The following SIRPG variants were observed in gnomAD, a reference collection of about 807,000 sequenced individuals.
SIRPG encodes signal-regulatory protein gamma.
SIRPG carries 38 observed loss-of-function variants against 35.7 expected under a neutral mutation model. That is an observed-to-expected ratio of 1.06 (90% confidence interval 0.82 to 1.40). The LOEUF (loss-of-function observed/expected upper bound fraction) is 1.40, where lower values mean the gene tolerates loss of function less well. Ranked by LOEUF, SIRPG falls within the 40% of genes most tolerant of loss-of-function variation. The pLI is 0.00. For synonymous variants in SIRPG, 215 were observed against 190.4 expected (o/e 1.13, Z -1.06); for missense variants, 519 against 483.0 (o/e 1.07, Z -0.70).
the SIRPG span, chr20:1,676,745 C>T: frequency 9.4e-5 from 19 of 201,224 alleles, no homozygotes; most frequent in Admixed American, 1.8e-4. Flanking sequence ...TAGATTAATT[C>T]GTGGCCTGGT....
the SIRPG span, chr20:1,666,635 A>C: frequency 2.0e-5 from 3 of 152,228 alleles, no homozygotes; most frequent in African/African-American, 7.2e-5. Flanking sequence ...GTGAGACCCC[A>C]GCTCTTTAAG....
the SIRPG span, among the ~76,000 whole-genome samples, chr20:1,683,337 G>A: frequency 2.0e-5 from 3 of 152,154 alleles, no homozygotes; most frequent in Non-Finnish European, 2.9e-5. Flanking sequence ...AAACAGTATG[G>A]AGTTTCCTCC....
At chr20:1,661,311 G>C (rs1295260346), upstream of SIRPG, among the ~76,000 whole-genome samples, 1 of 152,162 alleles carries the variant, frequency 6.6e-6, no homozygotes. Context: ...CATGCTATAG[G>C]CATGACGTCT....
the SIRPG span, among the ~76,000 whole-genome samples, chr20:1,667,400 G>A: frequency 1.3e-5 from 2 of 152,208 alleles, no homozygotes; most frequent in Non-Finnish European, 2.9e-5. Context: ...CTTGTTGATA[G>A]CTGTTGTGAG....
At position 1,630,312 on chromosome 20, in the gene SIRPG, A is replaced by G. The variant is rs753088884; in HGVS notation, c.1082-6T>C. On this transcript the variant is annotated splice_polypyrimidine_tract_variant and splice_region_variant and intron_variant, in intron 4 of 5. Transcript: ENST00000303415. ...AGTAAGGGATGATGCCGGGCCTGGA[A>G]ATCAGGGAAGACGAGGGGCTATGAG... 1.1e-5 allele frequency: 17 copies of G among 1,555,582 alleles called. No individual in the cohort carries two copies. The highest frequency in any genetic ancestry group is 1.5e-5 in the Non-Finnish European group (17 of 1,149,050).
the SIRPG span, among the ~76,000 whole-genome samples, chr20:1,681,542 A>G: frequency 6.6e-6 from 1 of 152,164 alleles, no homozygotes; most frequent in African/African-American, 2.4e-5. Flanking sequence ...TTCAAAAATT[A>G]TAAAGTTGGC....
At chr20:1,686,430 G>T in the SIRPG span, among the ~76,000 whole-genome samples, 1 of 152,160 alleles carries the variant, frequency 6.6e-6, no homozygotes, top group Non-Finnish European at 1.5e-5. Context: ...AGCCTGCTCC[G>T]TCCAAATATC....
At chr20:1,635,987 G>A (rs889082318) in intron 3 of SIRPG, among the ~76,000 whole-genome samples, 4 of 152,206 alleles carry the variant, frequency 2.6e-5, no homozygotes, top group Admixed American at 2.6e-4. Context: ...CTAGCGCAGA[G>A]CTTGGCACGT....
At chr20:1,683,137 A>T in the SIRPG span, among the ~76,000 whole-genome samples, 8 of 152,250 alleles carry the variant, frequency 5.3e-5, no homozygotes, top group Non-Finnish European at 4.4e-5. Flanking sequence ...GCCAGCAGGC[A>T]TATAAAAAAT....
the SIRPG span, chr20:1,670,957 A>T: frequency 2.9e-6 from 1 of 344,310 alleles, no homozygotes; most frequent in Non-Finnish European, 5.9e-6. Flanking sequence ...CTCGCAGATG[A>T]CCTGAAGGCA....
intron 2 of SIRPG, chr20:1,637,402 A>G (rs2091812304): frequency 5.9e-6 from 1 of 170,542 alleles, no homozygotes. Context: ...TTAAGTAACC[A>G]ATTCATACGA....
chr20:1,674,517 C>T, the SIRPG span, among the ~76,000 whole-genome samples: 4 of 152,192 alleles, frequency 2.6e-5, no homozygotes, highest in East Asian at 3.9e-4. Flanking sequence ...TGTCCCAGGT[C>T]ACAGAGCCAG....
the SIRPG span, among the ~76,000 whole-genome samples, chr20:1,685,375 T>TG: frequency 1.2e-4 from 18 of 151,798 alleles, no homozygotes; most frequent in African/African-American, 2.2e-4. Flanking sequence ...ATGAGGTCAT[T>TG]GGGGGGGTCT....
At chr20:1,658,357 T>C (rs2091986433), upstream of SIRPG, among the ~76,000 whole-genome samples, 1 of 152,162 alleles carries the variant, frequency 6.6e-6, no homozygotes, top group African/African-American at 2.4e-5. Flanking sequence ...GGAGAGAAAC[T>C]GGGTTTGAGG....
At chr20:1,648,940 C>T (rs1170180764) in intron 2 of SIRPG, 112 bp downstream of exon 2, 9 of 1,018,808 alleles carry the variant, frequency 8.8e-6, no homozygotes, top group Admixed American at 8.0e-5. Flanking sequence ...GACAACAGGT[C>T]TTGAAAATGA....
the SIRPG span, chr20:1,676,860 C>T: frequency 6.1e-6 from 1 of 163,172 alleles, no homozygotes. Flanking sequence ...ACTTCTCAGG[C>T]TGAATCACCT....
chr20:1,633,828 C>T (rs1263542876), intron 4 of SIRPG: 1 of 152,260 alleles, frequency 6.6e-6, no homozygotes, highest in African/African-American at 2.4e-5. Context: ...GAGTGGAACA[C>T]AGGCCAACTT....
chr20:1,657,708 C>T lies in SIRPG; in HGVS notation c.7G>A (p.Val3Ile). ...GGAGGATGGGGCCAGGAGGCTGGGA[C>T]AGGCATTTTGGAGACCTCAGAAGCC... MP[V>I]PASWPHPPGP... Residue 3 changes from valine (V) to isoleucine (I), a missense_variant, in exon 1 of 6, where the codon GTC becomes ATC. By Grantham distance (29) the Val-to-Ile change is conservative. Transcript: ENST00000303415. 6.2e-7 allele frequency: 1 copy of T among 1,614,134 alleles called. No homozygotes were observed. Among genetic ancestry groups the T allele is most frequent in the Non-Finnish European group, 8.5e-7 (1 of 1,180,002 alleles).
chr20:1,640,850 G>A (rs1033531650), intron 2 of SIRPG, among the ~76,000 whole-genome samples: 2 of 152,144 alleles, frequency 1.3e-5, no homozygotes, highest in African/African-American at 2.4e-5. Flanking sequence ...GGCCTTTTCT[G>A]CATCTATTGA....
Sources: allele counts gnomAD v4.1 joint callset (sites outside exome capture counted in the v4.1 genomes callset), GRCh38; gene constraint gnomAD v4.1.1; transcripts MANE v1.5; gene names NCBI Gene and HGNC (gene_info 2026-07-23, HGNC 2026-07-21).